NXPE4: variants seen among roughly 807,000 people sequenced by gnomAD.
The protein encoded by NXPE4 is NXPE family member 4.
In NXPE4, 42 loss-of-function variants were observed where a neutral mutation model predicts 33.3. That is an observed-to-expected ratio of 1.26 (90% CI 0.98 to 1.63). The LOEUF is 1.63. Ranked by LOEUF, NXPE4 falls within the 40% of genes most tolerant of loss-of-function variation. The pLI is 0.00. For synonymous variants in NXPE4, 253 were observed against 234.9 expected (o/e 1.08, Z -0.71); for missense variants, 709 against 647.6 (o/e 1.09, Z -1.03).
At chr11:114,675,167 A>G in the NXPE4 span, among the ~76,000 whole-genome samples, 63 of 151,828 alleles carry the variant, frequency 4.1e-4, no homozygotes, top group Non-Finnish European at 8.9e-4. Flanking sequence ...ATACTCCAAC[A>G]CAATAAACAC....
the NXPE4 span, among the ~76,000 whole-genome samples, chr11:114,677,667 G>A: frequency 6.6e-6 from 1 of 152,040 alleles, no homozygotes. Context: ...GTGGCTAGAG[G>A]TGCTGGCTTA....
At chr11:114,653,267 A>G in the NXPE4 span, among the ~76,000 whole-genome samples, 3 of 152,244 alleles carry the variant, frequency 2.0e-5, no homozygotes, top group African/African-American at 7.2e-5. Flanking sequence ...CATTATAAAA[A>G]TGTTCTATAA....
chr11:114,627,412 C>T, the NXPE4 span, among the ~76,000 whole-genome samples: 2 of 151,488 alleles, frequency 1.3e-5, no homozygotes, highest in Admixed American at 1.3e-4. Flanking sequence ...TCATATCCAG[C>T]CAAACTAAGC....
chr11:114,590,109 C>T (rs1949412091), intron 2 of NXPE4, among the ~76,000 whole-genome samples: 1 of 152,182 alleles, frequency 6.6e-6, no homozygotes, highest in Admixed American at 6.5e-5. Context: ...GATAATCCCT[C>T]ATTTGTTTGG....
the NXPE4 span, among the ~76,000 whole-genome samples, chr11:114,623,212 A>T: frequency 1.3e-5 from 2 of 151,846 alleles, no homozygotes; most frequent in Non-Finnish European, 2.9e-5. Context: ...TACCCAGTGG[A>T]TCATAAATAT....
chr11:114,585,311 C>T (rs1231132538), intron 2 of NXPE4, among the ~76,000 whole-genome samples: 3 of 152,038 alleles, frequency 2.0e-5, no homozygotes, highest in East Asian at 3.9e-4. Context: ...TATTTCATTA[C>T]TCCCTACCCC....
chr11:114,634,548 T>G, the NXPE4 span, among the ~76,000 whole-genome samples: 1 of 152,068 alleles, frequency 6.6e-6, no homozygotes, highest in African/African-American at 2.4e-5. Flanking sequence ...CATGCCTATG[T>G]CCTGAATGGT....
At chr11:114,573,262 T>C (rs562690414) in intron 5 of NXPE4, among the ~76,000 whole-genome samples, 2 of 152,264 alleles carry the variant, frequency 1.3e-5, no homozygotes, top group Admixed American at 1.3e-4. Flanking sequence ...CCTTAAAGCA[T>C]AATTCTCAAA....
the NXPE4 span, among the ~76,000 whole-genome samples, chr11:114,621,457 GATA>G: frequency 0.084 from 12,846 of 152,184 alleles, 643 homozygotes; most frequent in Middle Eastern, 0.2. Flanking sequence ...TTACCCAGTG[GATA>G]ATAAGTATTG....
the NXPE4 span, among the ~76,000 whole-genome samples, chr11:114,675,111 A>G: frequency 6.6e-6 from 1 of 151,720 alleles, no homozygotes; most frequent in Admixed American, 6.6e-5. Flanking sequence ...TTTTCATGAG[A>G]AAAAAACTCT....
the NXPE4 span, among the ~76,000 whole-genome samples, chr11:114,636,527 C>T: frequency 2.6e-5 from 4 of 151,712 alleles, no homozygotes; most frequent in South Asian, 2.1e-4. Context: ...TTTGCTCTTG[C>T]TTTTCTAGTT....
chr11:114,613,247 G>C, the NXPE4 span, among the ~76,000 whole-genome samples: 1 of 151,716 alleles, frequency 6.6e-6, no homozygotes, highest in Non-Finnish European at 1.5e-5. Context: ...CTGTTACCCG[G>C]TGGATAATAA....
At chr11:114,601,382 A>G in the NXPE4 span, among the ~76,000 whole-genome samples, 1 of 143,862 alleles carries the variant, frequency 7.0e-6, no homozygotes, top group Non-Finnish European at 1.5e-5. Flanking sequence ...TTAGGATAAT[A>G]CCCTCCAGTT....
At chr11:114,579,955 G>T (rs1949097564) in intron 5 of NXPE4, among the ~76,000 whole-genome samples, 177 bp downstream of exon 5, 2 of 152,126 alleles carry the variant, frequency 1.3e-5, no homozygotes, top group Non-Finnish European at 2.9e-5. Context: ...TTTCCTTCCA[G>T]TTAGATAGCT....
At chr11:114,632,542 A>G in the NXPE4 span, among the ~76,000 whole-genome samples, 1 of 119,432 alleles carries the variant, frequency 8.4e-6, no homozygotes, top group Non-Finnish European at 1.6e-5. Context: ...TATTTATTAT[A>G]TATGTATATA....
intron 5 of NXPE4, among the ~76,000 whole-genome samples, chr11:114,575,425 A>C (rs1355094327): frequency 2.6e-5 from 4 of 152,022 alleles, no homozygotes; most frequent in South Asian, 4.1e-4. Flanking sequence ...ATGATATGAT[A>C]GTATACCTAG....
At chr11:114,654,699 T>A in the NXPE4 span, among the ~76,000 whole-genome samples, 3 of 152,216 alleles carry the variant, frequency 2.0e-5, no homozygotes, top group Non-Finnish European at 4.4e-5. Flanking sequence ...ATATACCATA[T>A]TTTCTTTATC....
the NXPE4 span, among the ~76,000 whole-genome samples, chr11:114,615,419 G>A: frequency 8.8e-4 from 133 of 151,010 alleles, 1 homozygote; most frequent in Non-Finnish European, 1.5e-3. Context: ...ACCCTATGGA[G>A]AATAAGTAAT....
chr11:114,573,025 C>T (rs1360992611), intron 5 of NXPE4, among the ~76,000 whole-genome samples: 2 of 152,146 alleles, frequency 1.3e-5, no homozygotes, highest in Non-Finnish European at 2.9e-5. Context: ...TCAGCAGAAA[C>T]CCTACAAGCT....
Sources: allele counts gnomAD v4.1 joint callset (sites outside exome capture counted in the v4.1 genomes callset), GRCh38; gene constraint gnomAD v4.1.1; transcripts MANE v1.5; gene names NCBI Gene and HGNC (gene_info 2026-07-23, HGNC 2026-07-21).